The following MDH1B variants were observed in gnomAD, a reference collection of about 807,000 sequenced individuals.
MDH1B encodes the protein putative malate dehydrogenase 1B.
Under a neutral mutation model 61.4 loss-of-function variants are expected in MDH1B, and 60 were observed. The ratio of observed to expected loss-of-function variants is 0.98; its 90% CI spans 0.79 to 1.21. The LOEUF (loss-of-function observed/expected upper bound fraction) is 1.21, where lower values mean the gene tolerates loss of function less well. MDH1B is among the 50% of genes most tolerant of loss of function. MDH1B has a pLI of 0.00. For missense variants in MDH1B, 587 were observed against 632.1 expected (o/e 0.93, Z 0.76); for synonymous variants, 236 against 218.7 (o/e 1.08, Z -0.70).
intron 1 of MDH1B, among the ~76,000 whole-genome samples, chr2:206,764,600 A>G (rs1040766446): frequency 1.3e-5 from 2 of 152,214 alleles, no homozygotes; most frequent in Non-Finnish European, 1.5e-5. Context: ...ACTTTCAATC[A>G]TTCTCTCCGT....
chr2:206,759,554 T>C (rs1471274129), intron 2 of MDH1B, among the ~76,000 whole-genome samples: 1 of 152,200 alleles, frequency 6.6e-6, no homozygotes, highest in South Asian at 2.1e-4. Context: ...CTTCCACCAA[T>C]AGCCTATAAG....
rs997679324 is a variant in MDH1B, at chr2:206,745,786, T to C, written c.1357-113A>G. On this transcript the variant is annotated intron_variant, in intron 8 of 11. Transcript: ENST00000374412. Reference sequence around the variant, plus strand: ...TTCACTCTTGTTGCCCAGGCTGGAGTGCAGTGGCGCAATCTCAGCTCACCA... The same window carrying C: ...TTCACTCTTGTTGCCCAGGCTGGAGCGCAGTGGCGCAATCTCAGCTCACCA... 5.6e-5 allele frequency: 41 copies of C among 730,550 alleles called. No individual in the cohort carries two copies. The Middle Eastern group carries it at 1.2e-3, about 20-fold the overall frequency. 45.3% of individuals were successfully genotyped at this position (730,550 alleles called of 1,614,324 possible).
chr2:206,763,315 T>G (rs1029630635), intron 1 of MDH1B, among the ~76,000 whole-genome samples: 2 of 151,868 alleles, frequency 1.3e-5, no homozygotes, highest in Non-Finnish European at 2.9e-5. Flanking sequence ...GTTTAACTCC[T>G]TTTTCTCCCT....
At chr2:206,751,273 T>A (rs983414889) in intron 5 of MDH1B, among the ~76,000 whole-genome samples, 198 bp from the exon 6 acceptor site, 1 of 152,162 alleles carries the variant, frequency 6.6e-6, no homozygotes, top group Non-Finnish European at 1.5e-5. Context: ...TGGCAGTCCC[T>A]AATAATGTTC....
At chr2:206,755,689 C>T (rs748716198) in intron 4 of MDH1B, among the ~76,000 whole-genome samples, 184 bp from the exon 5 acceptor site, 5 of 152,124 alleles carry the variant, frequency 3.3e-5, no homozygotes, top group African/African-American at 9.7e-5. Context: ...TTCTCACTAC[C>T]AATCCCTTGC....
chr2:206,743,146 G>A (rs1687911442), intron 9 of MDH1B, among the ~76,000 whole-genome samples: 1 of 152,138 alleles, frequency 6.6e-6, no homozygotes, highest in African/African-American at 2.4e-5. Flanking sequence ...TACTAAGTAG[G>A]GACTTGGCGT....
In MDH1B at chr2:206,750,829, G is replaced by T. The variant is rs532326317; in HGVS notation, c.1052+105C>A. 4 of 997,804 alleles carry T rather than the reference G, an allele frequency of 4.0e-6. No homozygotes were observed. The South Asian group carries it at 8.3e-5, about 21-fold the overall frequency. 61.8% of individuals were successfully genotyped at this position (997,804 alleles called of 1,614,324 possible). On this transcript the variant is annotated intron_variant, in intron 6 of 11. Coordinates refer to ENST00000374412, the MANE Select transcript of MDH1B (RefSeq NM_001039845.3). ...ATGAACAAATATGAGTGTGAACAAT[G>T]CAAGTTATTTTTGTACAAAGATTTA...
chr2:206,740,484 T>C (rs1183784913), intron 10 of MDH1B, among the ~76,000 whole-genome samples: 1 of 152,140 alleles, frequency 6.6e-6, no homozygotes, highest in Non-Finnish European at 1.5e-5. Flanking sequence ...GGTCTTGCTG[T>C]CTTAGGGATG....
chr2:206,752,731 G>A (rs1559342003), intron 5 of MDH1B, among the ~76,000 whole-genome samples: 1 of 151,406 alleles, frequency 6.6e-6, no homozygotes, highest in Non-Finnish European at 1.5e-5. Context: ...CCCAAATTAT[G>A]CTACAGAGAA....
At chr2:206,764,769 C>G (rs1177178331) in intron 1 of MDH1B, among the ~76,000 whole-genome samples, 2 of 152,190 alleles carry the variant, frequency 1.3e-5, no homozygotes, top group Non-Finnish European at 2.9e-5. Context: ...GTTGTAGCCC[C>G]AGGTCCTGTC....
In MDH1B at chr2:206,765,247, C is replaced by T. The variant is rs1689376653; in HGVS notation, c.22+3G>A. 6.2e-7 allele frequency: 1 copy of T among 1,602,656 alleles called. No homozygotes were observed. Among genetic ancestry groups the T allele is most frequent in the Non-Finnish European group, 8.5e-7 (1 of 1,176,342 alleles). On this transcript the variant is annotated splice_donor_region_variant and intron_variant, in intron 1 of 11. Coordinates refer to ENST00000374412, the MANE Select transcript of MDH1B (RefSeq NM_001039845.3). ...TCTGCGGGCGGACGCGGGGATCACT[C>T]ACCCGCGATGACGAATTTGGCCATG... is the stretch of plus-strand genomic sequence containing the variant.
chr2:206,741,246 A>G (rs1056846143), intron 9 of MDH1B, 142 bp from the exon 10 acceptor site: 1 of 1,088,952 alleles, frequency 9.2e-7, no homozygotes, highest in Non-Finnish European at 1.3e-6. Flanking sequence ...ATTATAGTCC[A>G]ATGTGTACAT....
At chr2:206,744,116 CCA>C (rs757148219) in intron 9 of MDH1B, among the ~76,000 whole-genome samples, 44 of 152,208 alleles carry the variant, frequency 2.9e-4, no homozygotes, top group Non-Finnish European at 5.1e-4. Context: ...ATGAGCTTTT[CCA>C]CAGTTTTTCC....
chr2:206,745,780 C>A (rs1343016418), intron 8 of MDH1B, 107 bp from the exon 9 acceptor site: 4 of 796,432 alleles, frequency 5.0e-6, no homozygotes, highest in Non-Finnish European at 7.9e-6. Flanking sequence ...GTTGCCCAGG[C>A]TGGAGTGCAG....
intron 9 of MDH1B, 92 bp downstream of exon 9, chr2:206,745,530 G>A: frequency 1.1e-6 from 1 of 928,074 alleles, no homozygotes; most frequent in Non-Finnish European, 1.7e-6. Flanking sequence ...ATATAAATGA[G>A]AGTTATTCAT....
At chr2:206,745,469 G>A in intron 9 of MDH1B, 153 bp downstream of exon 9, 1 of 662,776 alleles carries the variant, frequency 1.5e-6, no homozygotes, top group South Asian at 1.8e-5. Context: ...TTATTTCAAA[G>A]GACACATTGA....
At position 206,757,246 on chromosome 2, in the gene MDH1B, C is replaced by A. The variant is rs1688815317; in HGVS notation, c.261G>T (p.Glu87Asp). Reference sequence around the variant, plus strand: ...AAGTTAACTTATATACCTGAGCATGCTCCAGGAACTCATTATATCCTCCCA... The same window carrying A: ...AAGTTAACTTATATACCTGAGCATGATCCAGGAACTCATTATATCCTCCCA... ...LLLGGYNEFL[E>D]HAQLYYDVTS... is the part of the protein sequence containing the mutation. Residue 87 changes from glutamate to aspartate, a missense_variant, in exon 3 of 12, where the codon GAG (glutamate) becomes GAT (aspartate). Coordinates refer to ENST00000374412, the MANE Select transcript of MDH1B (RefSeq NM_001039845.3). The A allele has an allele frequency of 3.1e-6, 5 of 1,613,594 alleles. No homozygotes were observed. The highest frequency in any genetic ancestry group is 4.2e-6 in the Non-Finnish European group (5 of 1,179,668).
In MDH1B at chr2:206,751,012, G is replaced by A. The variant is rs763779884; in HGVS notation, c.974C>T (p.Thr325Ile). ...SGNNYVDLRK[T>I]RVYRYESAIW... Reference sequence around the variant, plus strand: ...GGCACTCTCATATCTGTACACCCTTGTTTTTCTCAGATCAACGTAATTATT... The same window carrying A: ...GGCACTCTCATATCTGTACACCCTTATTTTTCTCAGATCAACGTAATTATT... The change falls in exon 6 of 12, where the codon ACA (threonine) becomes ATA (isoleucine). Residue 325 changes from threonine (T) to isoleucine (I), a missense_variant. Transcript: ENST00000374412. 3 of 1,609,754 alleles carry A rather than the reference G, an allele frequency of 1.9e-6. No individual in the cohort carries two copies. Among genetic ancestry groups the A allele is most frequent in the Non-Finnish European group, 1.7e-6 (2 of 1,177,160 alleles).
intron 5 of MDH1B, among the ~76,000 whole-genome samples, chr2:206,751,408 T>A (rs75582902): frequency 5.9e-5 from 9 of 151,784 alleles, no homozygotes; most frequent in East Asian, 1.9e-4. Flanking sequence ...GAGAGAGAGG[T>A]GGAGAGAGAG....
Sources: gnomAD v4.1 joint callset for allele counts (sites outside exome capture counted in the v4.1 genomes callset) on GRCh38, gnomAD v4.1.1 for gene constraint, MANE v1.5 for transcripts, NCBI Gene and HGNC (gene_info 2026-07-23, HGNC 2026-07-21) for gene names.